Variants in ZMYND8 observed in about 807,000 individuals in gnomAD.
The protein encoded by ZMYND8 is MYND-type zinc finger-containing chromatin reader ZMYND8.
In ZMYND8, 37 loss-of-function variants were observed where a neutral mutation model predicts 140.8. That is an observed-to-expected ratio of 0.26 (90% CI 0.20 to 0.35). The LOEUF (loss-of-function observed/expected upper bound fraction) is 0.35, where lower values mean the gene tolerates loss of function less well. ZMYND8 is among the 10% of genes least tolerant of loss of function. The pLI is 1.00. For synonymous variants in ZMYND8, 592 were observed against 597.1 expected, an observed-to-expected ratio of 0.99 and a Z score of 0.12; for missense variants, 1,068 against 1,570.0, an observed-to-expected ratio of 0.68 and a Z score of 5.40.
intron 9 of ZMYND8, among the ~76,000 whole-genome samples, chr20:47,283,007 T>C (rs774571359): frequency 2.6e-5 from 4 of 152,114 alleles, no homozygotes; most frequent in Admixed American, 6.6e-5. Flanking sequence ...TCAACTTTCC[T>C]TGCCTAATCT....
chr20:47,255,720 GTGTATATATATATATATATATA>G (rs1341578073), intron 12 of ZMYND8, among the ~76,000 whole-genome samples: 2,329 of 27,230 alleles, frequency 0.086, 162 homozygotes, highest in African/African-American at 0.24. Context: ...CCGTGTATGT[GTGTATATATATATATATATATA>G]TATATATATA....
intron 2 of ZMYND8, among the ~76,000 whole-genome samples, chr20:47,332,117 C>T (rs1487339050): frequency 6.6e-6 from 1 of 151,936 alleles, no homozygotes; most frequent in Non-Finnish European, 1.5e-5. Context: ...TCAAGACCAG[C>T]CTGACCAACA....
intron 3 of ZMYND8, among the ~76,000 whole-genome samples, chr20:47,302,710 T>C (rs1156636226): frequency 3.3e-5 from 5 of 152,272 alleles, no homozygotes; most frequent in Admixed American, 2.6e-4. Context: ...CTCTTCCCTA[T>C]AGCCCTCATA....
At chr20:47,217,417 TGA>T (rs1367938348) in intron 21 of ZMYND8, among the ~76,000 whole-genome samples, 1 of 152,172 alleles carries the variant, frequency 6.6e-6, no homozygotes, top group Non-Finnish European at 1.5e-5. Context: ...TCAAGAAATA[TGA>T]GAGATGCTAA....
intron 16 of ZMYND8, among the ~76,000 whole-genome samples, chr20:47,235,883 C>T (rs1331946346): frequency 1.3e-5 from 2 of 152,166 alleles, no homozygotes; most frequent in Non-Finnish European, 2.9e-5. Context: ...CCCTCCCCAT[C>T]CATCTTGATT....
In ZMYND8 at chr20:47,222,009, A is replaced by G. The variant is rs981995900; in HGVS notation, c.3257-535T>C. On this transcript the variant is annotated intron_variant, in intron 19 of 22. Coordinates refer to ENST00000471951, the MANE Select transcript of ZMYND8 (RefSeq NM_001281775.3). The stretch of plus-strand genomic sequence containing the variant: ...TGGTTAGCAATTCAAGTTTTATTAA[A>G]TCATTCTGGAGATGAAAGTATATTC... Among the ~76,000 whole-genome samples, 5 of 152,202 alleles carry G rather than the reference A, an allele frequency of 3.3e-5. No individual in the cohort carries two copies. In the East Asian group the frequency reaches 9.6e-4, roughly 29 times the overall value.
chr20:47,267,798 A>G (rs1282315937), intron 11 of ZMYND8, among the ~76,000 whole-genome samples: 1 of 152,226 alleles, frequency 6.6e-6, no homozygotes, highest in Non-Finnish European at 1.5e-5. Context: ...CCACCCTGGA[A>G]GATCAAGTCT....
chr20:47,292,985 C>G (rs946455373), intron 5 of ZMYND8, among the ~76,000 whole-genome samples: 6 of 151,118 alleles, frequency 4.0e-5, no homozygotes, highest in Non-Finnish European at 8.8e-5. Context: ...ATCGCCTGAG[C>G]CCAGGAGGTT....
chr20:47,312,813 A>T (rs1601827058), intron 2 of ZMYND8, among the ~76,000 whole-genome samples: 1 of 150,304 alleles, frequency 6.7e-6, no homozygotes, highest in South Asian at 2.1e-4. Flanking sequence ...AAAAAGAGAG[A>T]GAGGTGCAGC....
At chr20:47,283,688 G>A in intron 8 of ZMYND8, 40 bp from the exon 9 acceptor site, 1 of 1,596,448 alleles carries the variant, frequency 6.3e-7, no homozygotes, top group Non-Finnish European at 8.6e-7. Flanking sequence ...CACCCCAGGG[G>A]TGGATATCTT....
At chr20:47,273,119 T>C (rs1460053769) in intron 11 of ZMYND8, among the ~76,000 whole-genome samples, 1 of 152,198 alleles carries the variant, frequency 6.6e-6, no homozygotes, top group Non-Finnish European at 1.5e-5. Flanking sequence ...CTAATCCTCT[T>C]AGTCTGTAAT....
intron 11 of ZMYND8, 73 bp downstream of exon 11, chr20:47,276,241 C>G (rs1437873988): frequency 6.9e-7 from 1 of 1,457,762 alleles, no homozygotes; most frequent in Non-Finnish European, 9.0e-7. Context: ...CTGCTTGGGC[C>G]CACCAAGTGT....
In ZMYND8 at chr20:47,246,266, C is replaced by T. The variant is rs1317763860; in HGVS notation, c.2026G>A (p.Glu676Lys). The change falls in exon 14 of 23, where the codon GAG (glutamate) becomes AAG (lysine). Residue 676 changes from glutamate (E) to lysine (K), a missense_variant. By Grantham distance (56) the Glu-to-Lys change is moderately conservative. Transcript: ENST00000471951. ...EELKSTSPAS[E>K]KADPGAVKDK... ...TTGACTGCTCCAGGGTCTGCCTTCT[C>T]GCTGGCTGGTGACGTGCTTTTCAGC... 6 of 1,614,072 alleles carry T rather than the reference C, an allele frequency of 3.7e-6. No homozygotes were observed. The East Asian group carries it at 6.7e-5, about 18-fold the overall frequency.
At chr20:47,218,092 T>C (rs1321676923) in intron 21 of ZMYND8, among the ~76,000 whole-genome samples, 1 of 152,228 alleles carries the variant, frequency 6.6e-6, no homozygotes, top group Non-Finnish European at 1.5e-5. Flanking sequence ...ACAGGAACCA[T>C]GCGGCCTGCA....
chr20:47,318,290 C>T (rs1462333631), intron 2 of ZMYND8, among the ~76,000 whole-genome samples: 1 of 152,184 alleles, frequency 6.6e-6, no homozygotes, highest in East Asian at 1.9e-4. Flanking sequence ...TCGTAATCAC[C>T]AGTCCTCCCC....
At chr20:47,324,243 G>A (rs1386206937) in intron 2 of ZMYND8, among the ~76,000 whole-genome samples, 8 of 149,070 alleles carry the variant, frequency 5.4e-5, no homozygotes, top group African/African-American at 1.5e-4. Flanking sequence ...TTTACCGGTC[G>A]TGGTGTCTCA....
chr20:47,255,600 A>ATG (rs2074553801), intron 12 of ZMYND8, among the ~76,000 whole-genome samples: 1 of 133,322 alleles, frequency 7.5e-6, no homozygotes, highest in African/African-American at 3.2e-5. Context: ...GTGTGTATAT[A>ATG]TATATATATA....
In ZMYND8 at chr20:47,249,915, A is replaced by G. The variant is rs562851759; in HGVS notation, c.1622-476T>C. On this transcript the variant is annotated intron_variant, in intron 12 of 22. Coordinates refer to ENST00000471951, the MANE Select transcript of ZMYND8 (RefSeq NM_001281775.3). ...AAACACCCTGATAATTGGGGGCCCT[A>G]AATGCCTATTTGCCACAGAGGCTTC... Among the ~76,000 whole-genome samples, 4 of 152,248 alleles carry G rather than the reference A, an allele frequency of 2.6e-5. No individual in the cohort carries two copies. The South Asian group carries it at 8.3e-4, about 32-fold the overall frequency.
intron 14 of ZMYND8, among the ~76,000 whole-genome samples, chr20:47,241,956 T>C (rs1568966609): frequency 6.6e-6 from 1 of 151,958 alleles, no homozygotes; most frequent in Non-Finnish European, 1.5e-5. Context: ...TAGCTGGGAC[T>C]ACAGGTGCCC....
Sources: allele counts gnomAD v4.1 joint callset (sites outside exome capture counted in the v4.1 genomes callset), GRCh38; gene constraint gnomAD v4.1.1; transcripts MANE v1.5; gene names NCBI Gene and HGNC (gene_info 2026-07-23, HGNC 2026-07-21).